Variants in SLC25A48 observed in about 807,000 individuals in gnomAD.
SLC25A48 encodes the protein CTC-321K16.1.
A neutral mutation model predicts 32.2 loss-of-function variants in SLC25A48; 29 were observed. That is an observed-to-expected ratio of 0.90 (90% confidence interval 0.67 to 1.23). The LOEUF (loss-of-function observed/expected upper bound fraction) is 1.23, where lower values mean the gene tolerates loss of function less well. Ranked by LOEUF, SLC25A48 falls within the 50% of genes most tolerant of loss-of-function variation. The pLI is 0.00. For missense variants in SLC25A48, 399 were observed against 422.7 expected, an observed-to-expected ratio of 0.94 and a Z score of 0.49; for synonymous variants, 164 against 172.3, an observed-to-expected ratio of 0.95 and a Z score of 0.38.
intron 3 of SLC25A48, among the ~76,000 whole-genome samples, chr5:135,784,511 T>G (rs11242281): frequency 0.51 from 58,903 of 115,284 alleles, 22,515 homozygotes; most frequent in Middle Eastern, 0.67. Context: ...GATATTGTCC[T>G]AATATCAAAA....
intron 3 of SLC25A48, among the ~76,000 whole-genome samples, chr5:135,696,757 G>A (rs1217829348): frequency 1.3e-5 from 2 of 152,192 alleles, no homozygotes; most frequent in African/African-American, 4.8e-5. Flanking sequence ...CTCCAGGTAT[G>A]CTCAGGGCTA....
At chr5:135,804,300 G>A (rs1218457306) in intron 3 of SLC25A48, among the ~76,000 whole-genome samples, 2 of 151,644 alleles carry the variant, frequency 1.3e-5, no homozygotes, top group Non-Finnish European at 1.5e-5. Context: ...TAATGTCACA[G>A]GGTTTCCACA....
intron 3 of SLC25A48, among the ~76,000 whole-genome samples, chr5:135,658,601 G>T (rs534116548): frequency 6.6e-6 from 1 of 152,170 alleles, no homozygotes; most frequent in Non-Finnish European, 1.5e-5. Flanking sequence ...GTCTGTGGGC[G>T]CTCCAACCCC....
At chr5:135,880,145 A>T in intron 7 of SLC25A48, 48 bp downstream of exon 7, 1 of 1,488,196 alleles carries the variant, frequency 6.7e-7, no homozygotes, top group Non-Finnish European at 8.9e-7. Context: ...GGAACTTGAA[A>T]CTTTTTTTTT....
intron 3 of SLC25A48, among the ~76,000 whole-genome samples, chr5:135,701,602 CT>C (rs1754398013): frequency 6.6e-6 from 1 of 152,212 alleles, no homozygotes; most frequent in African/African-American, 2.4e-5. Context: ...GTCCCTCCCA[CT>C]TTTAAAAGAG....
intron 3 of SLC25A48, among the ~76,000 whole-genome samples, chr5:135,767,498 A>G (rs1019126380): frequency 6.6e-6 from 1 of 151,966 alleles, no homozygotes; most frequent in African/African-American, 2.4e-5. Flanking sequence ...ATTGTTCATA[A>G]TATCCAGAAA....
At chr5:135,749,724 C>T (rs4495176) in intron 3 of SLC25A48, among the ~76,000 whole-genome samples, 45,964 of 151,714 alleles carry the variant, frequency 0.3, 7,121 homozygotes, top group East Asian at 0.46. Context: ...CCTAAGTAGC[C>T]GCGATTAGAG....
At chr5:135,776,827 A>G (rs567424620) in intron 3 of SLC25A48, among the ~76,000 whole-genome samples, 1 of 151,870 alleles carries the variant, frequency 6.6e-6, no homozygotes, top group African/African-American at 2.4e-5. Context: ...AGAGAATCAT[A>G]CTACTCCCAA....
chr5:135,811,862 A>T (rs1757596058), intron 3 of SLC25A48, among the ~76,000 whole-genome samples: 1 of 152,276 alleles, frequency 6.6e-6, no homozygotes, highest in South Asian at 2.1e-4. Flanking sequence ...TGGGCAGATC[A>T]CCTGAGGTCA....
intron 4 of SLC25A48, among the ~76,000 whole-genome samples, chr5:135,864,084 T>A (rs922509255): frequency 6.6e-6 from 1 of 152,028 alleles, no homozygotes; most frequent in Non-Finnish European, 1.5e-5. Flanking sequence ...TTTCTGGACA[T>A]GACAAGAGCA....
At position 135,868,386 on chromosome 5, in the gene SLC25A48, T is replaced by C. The variant is rs139757524; in HGVS notation, c.422-3075T>C. Among the ~76,000 whole-genome samples, 419 of 152,272 alleles carry C rather than the reference T, an allele frequency of 2.8e-3. 2 individuals are homozygous for C. The highest frequency in any genetic ancestry group is 5.0e-3 in the Admixed American group (76 of 15,292). ...AGAAAGGCTATGGAAATGTTCCAGA[T>C]TGAAGCACTGGATCCTGTCCTGGAG... On this transcript the variant is annotated intron_variant, in intron 4 of 7. Transcript: ENST00000681962.
chr5:135,833,143 C>A (rs1226941669), upstream of SLC25A48, among the ~76,000 whole-genome samples: 2 of 152,196 alleles, frequency 1.3e-5, no homozygotes, highest in Admixed American at 1.3e-4. Context: ...GGTGATGCGC[C>A]CCATGGGCAG....
chr5:135,818,799 G>C (rs145254524), intron 4 of SLC25A48, among the ~76,000 whole-genome samples: 34 of 152,212 alleles, frequency 2.2e-4, no homozygotes, highest in African/African-American at 6.3e-4. Context: ...ACTTCAAAAT[G>C]CTATTACAAC....
chr5:135,700,698 C>A (rs74953787), intron 3 of SLC25A48, among the ~76,000 whole-genome samples: 1 of 152,226 alleles, frequency 6.6e-6, no homozygotes, highest in East Asian at 1.9e-4. Context: ...GCACCCTCCT[C>A]TCTTCATAGG....
intron 3 of SLC25A48, chr5:135,650,352 G>A (rs548914508): frequency 3.1e-5 from 14 of 450,214 alleles, no homozygotes; most frequent in East Asian, 7.0e-5. Flanking sequence ...GAGAATGGAC[G>A]GACATTGCCA....
chr5:135,716,691 C>T (rs1754807542), intron 3 of SLC25A48, among the ~76,000 whole-genome samples: 1 of 152,172 alleles, frequency 6.6e-6, no homozygotes, highest in Non-Finnish European at 1.5e-5. Flanking sequence ...AAGGCAGTCC[C>T]TGATTCTATC....
upstream of SLC25A48, among the ~76,000 whole-genome samples, chr5:135,830,179 G>C (rs921346373): frequency 2.0e-5 from 3 of 152,164 alleles, no homozygotes; most frequent in Non-Finnish European, 2.9e-5. Context: ...GTGGCTGTCT[G>C]CCAGCCAGTG....
At chr5:135,635,833 ACCCACTACCTCTTGGTACAG>A (rs1379863329) in intron 3 of SLC25A48, among the ~76,000 whole-genome samples, 4 of 152,150 alleles carry the variant, frequency 2.6e-5, no homozygotes, top group Admixed American at 2.6e-4. Flanking sequence ...GTGACAGGAA[ACCCACTACCTCTTGGTACAG>A]CCCATTCCAG....
intron 3 of SLC25A48, among the ~76,000 whole-genome samples, chr5:135,741,910 C>G (rs1755509140): frequency 6.6e-6 from 1 of 152,278 alleles, no homozygotes; most frequent in Admixed American, 6.5e-5. Flanking sequence ...ATGTAATAAA[C>G]TATCCACGTG....
Sources: gnomAD v4.1 joint callset for allele counts (sites outside exome capture counted in the v4.1 genomes callset) on GRCh38, gnomAD v4.1.1 for gene constraint, MANE v1.5 for transcripts, NCBI Gene and HGNC (gene_info 2026-07-23, HGNC 2026-07-21) for gene names.